Variants in SCARB2 observed in about 807,000 individuals in gnomAD.
SCARB2 encodes the protein lysosome membrane protein 2.
A neutral mutation model predicts 58.6 loss-of-function variants in SCARB2; 29 were observed. The observed-to-expected ratio is 0.49, with a 90% CI of 0.37 to 0.67. SCARB2 has a LOEUF of 0.67. Among genes scored for constraint, SCARB2 ranks in the 30% least tolerant of loss-of-function variants. The pLI is 0.00. For synonymous variants in SCARB2, 195 were observed against 210.1 expected, an observed-to-expected ratio of 0.93 and a Z score of 0.62; for missense variants, 488 against 578.5, an observed-to-expected ratio of 0.84 and a Z score of 1.60.
At chr4:76,205,025 A>C (rs921442199) in intron 1 of SCARB2, among the ~76,000 whole-genome samples, 7 of 152,162 alleles carry the variant, frequency 4.6e-5, no homozygotes, top group South Asian at 2.1e-4. Context: ...TGGTGATCAC[A>C]GTGGATAACA....
chr4:76,219,948 T>G (rs1733279954), intron 1 of SCARB2, among the ~76,000 whole-genome samples: 1 of 152,236 alleles, frequency 6.6e-6, no homozygotes, highest in Admixed American at 6.5e-5. Context: ...TTTCCAGTTC[T>G]TTCATAAATA....
chr4:76,234,196 G>A (rs1422067893), intron 1 of SCARB2: 1 of 152,460 alleles, frequency 6.6e-6, no homozygotes, highest in Non-Finnish European at 1.5e-5. Flanking sequence ...CCATGAAAAG[G>A]CTGGGGAGCA....
At chr4:76,197,884 T>A (rs965237354) in intron 1 of SCARB2, among the ~76,000 whole-genome samples, 3 of 151,916 alleles carry the variant, frequency 2.0e-5, no homozygotes. Context: ...GAAAAAAAAA[T>A]GTTCCCTTAT....
At chr4:76,231,067 C>T (rs1428128889) in intron 1 of SCARB2, among the ~76,000 whole-genome samples, 1 of 151,982 alleles carries the variant, frequency 6.6e-6, no homozygotes, top group African/African-American at 2.4e-5. Flanking sequence ...TGCATGGACT[C>T]CCTATCATAA....
intron 1 of SCARB2, among the ~76,000 whole-genome samples, chr4:76,226,508 A>G (rs1165581760): frequency 6.6e-6 from 1 of 152,210 alleles, no homozygotes; most frequent in Non-Finnish European, 1.5e-5. Flanking sequence ...CCAAGCCACA[A>G]GGGGTTTTAT....
chr4:76,200,007 A>C (rs1279425460), intron 1 of SCARB2, among the ~76,000 whole-genome samples: 2 of 152,186 alleles, frequency 1.3e-5, no homozygotes, highest in African/African-American at 2.4e-5. Flanking sequence ...TCGGCAAAGG[A>C]AGGCCTGAGA....
At chr4:76,233,582 A>G (rs983968416) in intron 1 of SCARB2, among the ~76,000 whole-genome samples, 7 of 14,254 alleles carry the variant, frequency 4.9e-4, no homozygotes, top group Non-Finnish European at 1.8e-3. Context: ...TCACACACAC[A>G]CACGCACACA....
intron 4 of SCARB2, 72 bp from the exon 5 acceptor site, chr4:76,176,600 C>A: frequency 9.2e-7 from 1 of 1,082,556 alleles, no homozygotes; most frequent in Non-Finnish European, 1.4e-6. Context: ...GACTATGGTG[C>A]CCAGTTGTTT....
At chr4:76,198,567 G>C (rs556047742) in intron 1 of SCARB2, among the ~76,000 whole-genome samples, 11 of 152,322 alleles carry the variant, frequency 7.2e-5, no homozygotes, top group African/African-American at 1.9e-4. Context: ...CAGCATGCCA[G>C]AGTCATAACC....
intron 1 of SCARB2, among the ~76,000 whole-genome samples, chr4:76,219,753 TA>T (rs927258029): frequency 1.9e-4 from 29 of 151,914 alleles, no homozygotes; most frequent in Admixed American, 1.8e-3. Context: ...GGGGCTTAGA[TA>T]TTAGACTATG....
intron 1 of SCARB2, among the ~76,000 whole-genome samples, chr4:76,208,364 G>A (rs1732970838): frequency 6.6e-6 from 1 of 152,234 alleles, no homozygotes; most frequent in Non-Finnish European, 1.5e-5. Context: ...TTTTGCTTAG[G>A]AGTTAGAGAA....
chr4:76,195,648 T>G, intron 2 of SCARB2, 59 bp downstream of exon 2: 1 of 1,474,064 alleles, frequency 6.8e-7, no homozygotes, highest in Non-Finnish European at 9.5e-7. Context: ...AGGCAAGGAC[T>G]CAGGCCATAT....
upstream of SCARB2, chr4:76,214,195 G>A (rs1307968463): frequency 6.6e-6 from 3 of 453,958 alleles, no homozygotes; most frequent in Non-Finnish European, 1.3e-5. Flanking sequence ...CTCTAGAGGC[G>A]CTCGCAAGTT....
In SCARB2 at chr4:76,209,658, C is replaced by T. The variant is rs113244378; in HGVS notation, c.117+3769G>A. 4.5e-3 allele frequency among the ~76,000 whole-genome samples: 683 copies of T among 152,344 alleles called. 1 individual carries two copies. The highest frequency in any genetic ancestry group is 6.7e-3 in the Non-Finnish European group (453 of 68,034). ...TTAGGATAACAGGCGTGAGCCACCA[C>T]GCCTGGCCTATATTTTACTTCTTGA... On this transcript the variant is annotated intron_variant, in intron 1 of 11. Coordinates refer to ENST00000264896, the MANE Select transcript of SCARB2 (RefSeq NM_005506.4).
intron 2 of SCARB2, chr4:76,195,450 T>C (rs536180241): frequency 2.0e-6 from 1 of 502,578 alleles, no homozygotes; most frequent in East Asian, 3.6e-5. Context: ...CATGGTTTAA[T>C]AATCACAGTC....
Position 76,161,599 on chromosome 4 carries a change from G to T in SCARB2, c.*114C>A. On this transcript the variant is annotated 3_prime_UTR_variant, in exon 12 of 12. Transcript: ENST00000264896. ...TGTTCCTATCACTTGCCAGCGCCGT[G>T]TCTTTTTCCTTCTTTCAACAGGCAA... 1 of 1,116,302 alleles carries T rather than the reference G, an allele frequency of 9.0e-7. No individual in the cohort carries two copies. The allele number at this position is 1,116,302 out of a possible 1,614,324, so 69.1% of individuals were successfully genotyped here.
At chr4:76,232,107 T>G (rs1203530554) in intron 1 of SCARB2, among the ~76,000 whole-genome samples, 1 of 152,224 alleles carries the variant, frequency 6.6e-6, no homozygotes, top group Non-Finnish European at 1.5e-5. Flanking sequence ...CAAACATGCT[T>G]CAAATTTTGG....
At chr4:76,174,359 G>A (rs752583439) in intron 6 of SCARB2, 46 bp from the exon 7 acceptor site, 1 of 1,587,172 alleles carries the variant, frequency 6.3e-7, no homozygotes, top group Admixed American at 1.7e-5. Flanking sequence ...TCTGGTCAGT[G>A]TAATCTGCCC....
intron 9 of SCARB2, among the ~76,000 whole-genome samples, chr4:76,167,709 G>C (rs1320461371): frequency 3.6e-5 from 4 of 111,994 alleles, no homozygotes; most frequent in Non-Finnish European, 6.6e-5. Context: ...CTGAGACACA[G>C]TCTTGCTCTG....
Sources: gnomAD v4.1 joint callset for allele counts (sites outside exome capture counted in the v4.1 genomes callset) on GRCh38, gnomAD v4.1.1 for gene constraint, MANE v1.5 for transcripts, NCBI Gene and HGNC (gene_info 2026-07-23, HGNC 2026-07-21) for gene names.